The following WDFY1 variants were observed in gnomAD, a reference collection of about 807,000 sequenced individuals.
WDFY1 encodes the protein WD repeat and FYVE domain containing 1.
A neutral mutation model predicts 56.4 loss-of-function variants in WDFY1; 32 were observed. The ratio of observed to expected loss-of-function variants is 0.57; its 90% CI spans 0.43 to 0.76. The LOEUF is 0.76. Ranked by LOEUF, WDFY1 falls within the 30% of genes least tolerant of loss-of-function variation. The pLI, the probability that WDFY1 is intolerant of heterozygous loss-of-function variation, is 0.00. For missense variants in WDFY1, 480 were observed against 545.7 expected, an observed-to-expected ratio of 0.88 and a Z score of 1.20; for synonymous variants, 192 against 197.3, an observed-to-expected ratio of 0.97 and a Z score of 0.23.
At chr2:223,916,580 T>C (rs1024321933) in intron 2 of WDFY1, among the ~76,000 whole-genome samples, 1 of 152,178 alleles carries the variant, frequency 6.6e-6, no homozygotes, top group African/African-American at 2.4e-5. Context: ...AAATCACTGA[T>C]TAAGGACGAA....
chr2:223,908,315 G>C (rs946272394), intron 3 of WDFY1, among the ~76,000 whole-genome samples: 34 of 152,108 alleles, frequency 2.2e-4, no homozygotes, highest in African/African-American at 7.5e-4. Flanking sequence ...ACATCTCCCA[G>C]TCACACTTCA....
At position 223,901,167 on chromosome 2, in the gene WDFY1, T is replaced by C. The variant is rs751577563; in HGVS notation, c.485+16A>G. ...AGAGGCCAGGGGAAGGAGAGGTCCGTGGCTCTGAAGGATACTGCAGACACG... is the reference window on the plus strand; with the variant it reads ...AGAGGCCAGGGGAAGGAGAGGTCCGCGGCTCTGAAGGATACTGCAGACACG... On this transcript the variant is annotated intron_variant, in intron 5 of 11. Transcript: ENST00000233055. 2 of 1,608,258 alleles carry C rather than the reference T, an allele frequency of 1.2e-6. No homozygotes were observed. The highest frequency in any genetic ancestry group is 1.7e-6 in the Non-Finnish European group (2 of 1,176,478).
chr2:223,879,045 G>A (rs1203059830), intron 11 of WDFY1, among the ~76,000 whole-genome samples: 1 of 152,102 alleles, frequency 6.6e-6, no homozygotes, highest in Non-Finnish European at 1.5e-5. Flanking sequence ...AAATTAGCCT[G>A]GTGTGGTGGC....
At chr2:223,889,619 T>C (rs1415793075) in intron 8 of WDFY1, among the ~76,000 whole-genome samples, 6 of 152,206 alleles carry the variant, frequency 3.9e-5, no homozygotes, top group Non-Finnish European at 7.3e-5. Flanking sequence ...CCTTCCACCA[T>C]GATTGTGACG....
intron 1 of WDFY1, among the ~76,000 whole-genome samples, chr2:223,925,548 C>T (rs1473273189): frequency 2.6e-5 from 4 of 152,192 alleles, no homozygotes; most frequent in Admixed American, 1.3e-4. Context: ...TGAAGGTTGG[C>T]GTGGCTGTGG....
At position 223,878,579 on chromosome 2, in the gene WDFY1, C is replaced by G. The variant is rs1352892144; in HGVS notation, c.*92G>C. 1.1e-6 allele frequency: 1 copy of G among 912,464 alleles called. No homozygotes were observed. Among genetic ancestry groups the G allele is most frequent in the Non-Finnish European group, 1.7e-6 (1 of 573,336 alleles). 56.5% of individuals were successfully genotyped at this position (912,464 alleles called of 1,614,324 possible). A position where few individuals can be genotyped will look rare whatever the true frequency, so the allele number is the denominator to read the frequency against. On this transcript the variant is annotated 3_prime_UTR_variant, in exon 12 of 12. Coordinates refer to ENST00000233055, the MANE Select transcript of WDFY1 (RefSeq NM_020830.5). ...TGATTTGTTTGTAAGTGGCTACTGT[C>G]CATTCACGAGACAGCGCTGTGGAGC... is the stretch of plus-strand genomic sequence containing the variant.
intron 7 of WDFY1, 122 bp downstream of exon 7, chr2:223,895,382 A>T: frequency 6.9e-7 from 1 of 1,439,188 alleles, no homozygotes; most frequent in East Asian, 2.3e-5. Flanking sequence ...ACTGAGCCCT[A>T]TCAATGATAA....
chr2:223,878,775 G>T, intron 11 of WDFY1, 45 bp from the exon 12 acceptor site: 1 of 1,612,384 alleles, frequency 6.2e-7, no homozygotes. Context: ...GTGATAACCA[G>T]GTCTAACGGC....
chr2:223,937,720 A>C (rs1277264138), intron 1 of WDFY1, among the ~76,000 whole-genome samples: 1 of 152,246 alleles, frequency 6.6e-6, no homozygotes, highest in Non-Finnish European at 1.5e-5. Flanking sequence ...CTAACAATAC[A>C]GGAGTAAATG....
chr2:223,892,036 G>A (rs1255553392), intron 8 of WDFY1, among the ~76,000 whole-genome samples: 1 of 152,182 alleles, frequency 6.6e-6, no homozygotes, highest in East Asian at 1.9e-4. Context: ...GCGCAGTGGT[G>A]CAAGCTTGGC....
At chr2:223,916,263 C>T (rs1693785820) in intron 2 of WDFY1, among the ~76,000 whole-genome samples, 1 of 152,136 alleles carries the variant, frequency 6.6e-6, no homozygotes, top group African/African-American at 2.4e-5. Flanking sequence ...ATGCTGCATG[C>T]ACAATGAAAT....
chr2:223,924,713 A>G (rs768392565), intron 1 of WDFY1, among the ~76,000 whole-genome samples: 3 of 152,084 alleles, frequency 2.0e-5, no homozygotes, highest in Non-Finnish European at 4.4e-5. Flanking sequence ...TGATTCATTT[A>G]TTTTCCAAGT....
chr2:223,936,704 G>A (rs188994422), intron 1 of WDFY1, among the ~76,000 whole-genome samples: 1 of 152,160 alleles, frequency 6.6e-6, no homozygotes, highest in African/African-American at 2.4e-5. Context: ...TAACTCCTAA[G>A]AATGGCTCAC....
At chr2:223,909,537 T>C (rs1215038916) in intron 3 of WDFY1, among the ~76,000 whole-genome samples, 1 of 152,100 alleles carries the variant, frequency 6.6e-6, no homozygotes, top group Non-Finnish European at 1.5e-5. Context: ...CTGTGCCAAC[T>C]TCACATGGCC....
intron 4 of WDFY1, among the ~76,000 whole-genome samples, chr2:223,901,625 C>G (rs1693509505): frequency 6.8e-6 from 1 of 146,058 alleles, no homozygotes; most frequent in Admixed American, 6.9e-5. Flanking sequence ...GATTAGAGAA[C>G]AGATTTTTTT....
chr2:223,887,682 T>A (rs1160944864), intron 8 of WDFY1, among the ~76,000 whole-genome samples: 1 of 152,226 alleles, frequency 6.6e-6, no homozygotes, highest in Non-Finnish European at 1.5e-5. Flanking sequence ...ATAAAAATCT[T>A]AAACTTTACT....
At chr2:223,903,177 G>A (rs186986905) in intron 4 of WDFY1, among the ~76,000 whole-genome samples, 35 of 152,158 alleles carry the variant, frequency 2.3e-4, no homozygotes, top group Admixed American at 2.2e-3. Context: ...AAATATAAAG[G>A]TCCAAGAACC....
chr2:223,913,317 G>A (rs974050848), intron 2 of WDFY1, among the ~76,000 whole-genome samples: 2 of 151,946 alleles, frequency 1.3e-5, no homozygotes, highest in Non-Finnish European at 2.9e-5. Flanking sequence ...CTCACCAAAG[G>A]AAGGAAGTAA....
intron 4 of WDFY1, among the ~76,000 whole-genome samples, chr2:223,904,152 T>C (rs1175279009): frequency 2.0e-5 from 3 of 152,366 alleles, no homozygotes; most frequent in South Asian, 2.1e-4. Flanking sequence ...CAGTGCAAGA[T>C]TGGAAAGTGT....
Sources: gnomAD v4.1 joint callset for allele counts (sites outside exome capture counted in the v4.1 genomes callset) on GRCh38, gnomAD v4.1.1 for gene constraint, MANE v1.5 for transcripts, NCBI Gene and HGNC (gene_info 2026-07-23, HGNC 2026-07-21) for gene names.